The following ATF7IP variants were observed in gnomAD, a reference collection of about 807,000 sequenced individuals.
ATF7IP encodes the protein activating transcription factor 7 interacting protein, also known as activating transcription factor 7-interacting protein 1.
A neutral mutation model predicts 106.4 loss-of-function variants in ATF7IP; 23 were observed. The ratio of observed to expected loss-of-function variants is 0.22; its 90% CI spans 0.16 to 0.31. The LOEUF (loss-of-function observed/expected upper bound fraction) is 0.31. ATF7IP is among the 10% of genes least tolerant of loss of function. The probability of loss-of-function intolerance (pLI) is 1.00; values close to 1 mark genes in which losing one functional copy is unlikely to be tolerated. For synonymous variants in ATF7IP, 542 were observed against 539.0 expected (o/e 1.01, Z -0.08); for missense variants, 1,334 against 1,524.3 (o/e 0.88, Z 2.08).
intron 1 of ATF7IP, among the ~76,000 whole-genome samples, chr12:14,411,671 A>G (rs968315741): frequency 6.6e-6 from 1 of 152,142 alleles, no homozygotes; most frequent in Non-Finnish European, 1.5e-5. Flanking sequence ...TATATTCAAG[A>G]TACAAGTCTC....
chr12:14,379,175 C>T (rs776130393), intron 1 of ATF7IP, among the ~76,000 whole-genome samples: 1 of 152,130 alleles, frequency 6.6e-6, no homozygotes, highest in Non-Finnish European at 1.5e-5. Context: ...TACTGTCCTC[C>T]ACAATAGTGA....
chr12:14,406,592 T>A (rs1292545143), intron 1 of ATF7IP, among the ~76,000 whole-genome samples: 17 of 141,752 alleles, frequency 1.2e-4, no homozygotes, highest in Admixed American at 3.5e-4. Flanking sequence ...ATGTAACATT[T>A]AAAAAAAAAA....
chr12:14,490,814 A>G, intron 13 of ATF7IP, among the ~76,000 whole-genome samples: 1 of 152,058 alleles, frequency 6.6e-6, no homozygotes, highest in East Asian at 1.9e-4. Context: ...TCACATATAT[A>G]CCACTTCCAT....
intron 13 of ATF7IP, among the ~76,000 whole-genome samples, chr12:14,487,515 A>G (rs1484133550): frequency 1.3e-5 from 2 of 152,166 alleles, no homozygotes; most frequent in Non-Finnish European, 2.9e-5. Flanking sequence ...TCCTCAGACA[A>G]AGTTGGAAAG....
intron 13 of ATF7IP, among the ~76,000 whole-genome samples, chr12:14,484,730 G>C (rs1944541417): frequency 6.6e-6 from 1 of 152,212 alleles, no homozygotes; most frequent in Non-Finnish European, 1.5e-5. Context: ...CGTGACAGGA[G>C]TGGAGATATG....
At chr12:14,493,284 A>G (rs953097099) in intron 13 of ATF7IP, among the ~76,000 whole-genome samples, 2 of 152,198 alleles carry the variant, frequency 1.3e-5, no homozygotes, top group South Asian at 4.1e-4. Flanking sequence ...GTATATTTGA[A>G]TTAAAGAACT....
At chr12:14,480,557 T>C (rs1944398376) in intron 12 of ATF7IP, among the ~76,000 whole-genome samples, 1 of 152,178 alleles carries the variant, frequency 6.6e-6, no homozygotes, top group Non-Finnish European at 1.5e-5. Context: ...CAATAGCTGG[T>C]CAGTTTCTTG....
intron 13 of ATF7IP, among the ~76,000 whole-genome samples, chr12:14,492,855 AGAGTC>A (rs111332551): frequency 0.021 from 3,219 of 152,258 alleles, 70 homozygotes; most frequent in African/African-American, 0.059. Context: ...TCTGACATAT[AGAGTC>A]GAGCAATTAG....
At chr12:14,476,411 CAAAAAAAAAAAAA>C (rs10603374) in intron 11 of ATF7IP, 2 of 65,080 alleles carry the variant, frequency 3.1e-5, no homozygotes, top group South Asian at 1.3e-3. Flanking sequence ...GGCCCTGTCT[CAAAAAAAAAAAAA>C]AAAAAAAAAA....
chr12:14,388,158 T>C (rs767243836), intron 1 of ATF7IP, among the ~76,000 whole-genome samples: 4 of 151,878 alleles, frequency 2.6e-5, no homozygotes, highest in Non-Finnish European at 5.9e-5. Flanking sequence ...CAAGCCATTC[T>C]CCTGTCTCAG....
intron 1 of ATF7IP, among the ~76,000 whole-genome samples, chr12:14,379,165 T>C (rs772675725): frequency 2.0e-5 from 3 of 152,208 alleles, no homozygotes; most frequent in Non-Finnish European, 4.4e-5. Context: ...TCCCCCTTGG[T>C]ACTGTCCTCC....
At chr12:14,369,794 C>T (rs1591748685) in intron 1 of ATF7IP, among the ~76,000 whole-genome samples, 1 of 150,694 alleles carries the variant, frequency 6.6e-6, no homozygotes, top group Non-Finnish European at 1.5e-5. Flanking sequence ...TATCTAGTTT[C>T]CATAGACTTG....
intron 5 of ATF7IP, among the ~76,000 whole-genome samples, chr12:14,442,650 AT>A (rs1309668690): frequency 6.6e-6 from 1 of 152,236 alleles, no homozygotes; most frequent in Non-Finnish European, 1.5e-5. Flanking sequence ...TTGGCTTAAT[AT>A]GTTTTAGTAT....
At chr12:14,476,180 AGG>A in intron 11 of ATF7IP, 1 of 426,944 alleles carries the variant, frequency 2.3e-6, no homozygotes, top group Non-Finnish European at 4.2e-6. Context: ...AGGCCAAGGC[AGG>A]AGGATCGAGG....
At chr12:14,426,042 C>G (rs1396075477) in intron 2 of ATF7IP, among the ~76,000 whole-genome samples, 1 of 152,100 alleles carries the variant, frequency 6.6e-6, no homozygotes. Context: ...CCAACCTATT[C>G]TCTTCCTCAT....
At chr12:14,396,785 T>G (rs1939871827) in intron 1 of ATF7IP, among the ~76,000 whole-genome samples, 2 of 151,866 alleles carry the variant, frequency 1.3e-5, no homozygotes, top group African/African-American at 4.8e-5. Flanking sequence ...GCTGTTAGAG[T>G]TGGAGGTCAT....
intron 9 of ATF7IP, among the ~76,000 whole-genome samples, chr12:14,464,015 A>G (rs1032772536): frequency 6.6e-6 from 1 of 152,226 alleles, no homozygotes; most frequent in Non-Finnish European, 1.5e-5. Context: ...TTCTAAGACT[A>G]TATAAAACTA....
chr12:14,459,806 T>G (rs1417699596), intron 8 of ATF7IP, among the ~76,000 whole-genome samples: 2 of 152,212 alleles, frequency 1.3e-5, no homozygotes, highest in African/African-American at 4.8e-5. Flanking sequence ...TAGTTGAAAA[T>G]TATTATAAAA....
intron 1 of ATF7IP, among the ~76,000 whole-genome samples, chr12:14,408,116 GCACACACA>G (rs56229725): frequency 1.4e-4 from 21 of 148,982 alleles, no homozygotes; most frequent in Non-Finnish European, 2.2e-4. Flanking sequence ...ATATTGATGT[GCACACACA>G]CACACACACA....
Sources: gnomAD v4.1 joint callset for allele counts (sites outside exome capture counted in the v4.1 genomes callset) on GRCh38, gnomAD v4.1.1 for gene constraint, MANE v1.5 for transcripts, NCBI Gene and HGNC (gene_info 2026-07-23, HGNC 2026-07-21) for gene names.